Variants in NIPBL observed in about 807,000 individuals in gnomAD.
NIPBL encodes the protein NIPBL cohesin loading factor.
Under a neutral mutation model 321.8 loss-of-function variants are expected in NIPBL, and 19 were observed. The ratio of observed to expected loss-of-function variants is 0.06; its 90% CI spans 0.04 to 0.09. The LOEUF is 0.09. Among genes scored for constraint, NIPBL ranks in the 10% least tolerant of loss-of-function variants. The probability of loss-of-function intolerance (pLI) is 1.00; values close to 1 mark genes in which losing one functional copy is unlikely to be tolerated. For missense variants in NIPBL, 2,210 were observed against 3,327.0 expected (o/e 0.66, Z 8.26); for synonymous variants, 1,106 against 1,114.1 (o/e 0.99, Z 0.14).
At chr5:36,893,720 T>G (rs1040913131) in intron 1 of NIPBL, among the ~76,000 whole-genome samples, 1 of 152,180 alleles carries the variant, frequency 6.6e-6, no homozygotes, top group African/African-American at 2.4e-5. Flanking sequence ...AAACATCATC[T>G]GTGAGGCATA....
At chr5:37,005,410 G>A (rs547385352) in intron 16 of NIPBL, among the ~76,000 whole-genome samples, 1 of 152,216 alleles carries the variant, frequency 6.6e-6, no homozygotes, top group Admixed American at 6.5e-5. Flanking sequence ...TGGAGAGCTG[G>A]CTGACTCAGT....
intron 38 of NIPBL, among the ~76,000 whole-genome samples, chr5:37,047,251 C>T (rs1369522108): frequency 1.3e-5 from 2 of 152,018 alleles, no homozygotes; most frequent in South Asian, 2.1e-4. Context: ...CGTAAAGCTA[C>T]CCAATGAGAT....
chr5:36,879,957 T>G (rs1745380984), intron 1 of NIPBL, among the ~76,000 whole-genome samples: 1 of 152,100 alleles, frequency 6.6e-6, no homozygotes, highest in Admixed American at 6.5e-5. Context: ...CTGAGAACAT[T>G]TTTGAACCTG....
chr5:36,927,872 A>G (rs1008563044), intron 1 of NIPBL, among the ~76,000 whole-genome samples: 2 of 152,096 alleles, frequency 1.3e-5, no homozygotes, highest in Admixed American at 6.5e-5. Flanking sequence ...GTGGTAAAGG[A>G]GACGGGTTTC....
chr5:36,961,011 A>G lies in NIPBL; in HGVS notation c.359-473A>G, dbSNP rs1741558849. On this transcript the variant is annotated intron_variant, in intron 4 of 46. Coordinates refer to ENST00000282516, the MANE Select transcript of NIPBL (RefSeq NM_133433.4). ...AGGAATTCAAACTTTCGGCCCATAAATAAAGTACTTTTCAAAACCTGTGTC... is the reference window on the plus strand; with the variant it reads ...AGGAATTCAAACTTTCGGCCCATAAGTAAAGTACTTTTCAAAACCTGTGTC... Among the ~76,000 whole-genome samples the G allele has an allele frequency of 3.3e-5, 5 of 152,142 alleles. No individual in the cohort carries two copies. In the South Asian group the frequency reaches 1.0e-3, roughly 31 times the overall value.
intron 1 of NIPBL, among the ~76,000 whole-genome samples, chr5:36,937,537 A>T (rs1738573083): frequency 1.3e-5 from 2 of 151,982 alleles, no homozygotes; most frequent in African/African-American, 4.8e-5. Flanking sequence ...TACTTTCAGG[A>T]TGTGATTTTT....
intron 10 of NIPBL, among the ~76,000 whole-genome samples, chr5:36,991,717 A>G (rs900746362): frequency 1.2e-4 from 18 of 148,604 alleles, no homozygotes; most frequent in African/African-American, 4.4e-4. Context: ...AAGAATTGTC[A>G]CTGAACTATT....
Position 36,916,549 on chromosome 5 carries a change from G to A in NIPBL, c.-79-37069G>A, listed in dbSNP as rs1748474119. Among the ~76,000 whole-genome samples, 6 of 151,998 alleles carry A rather than the reference G, an allele frequency of 3.9e-5. No homozygotes were observed. The South Asian group carries it at 1.2e-3, about 32-fold the overall frequency. On this transcript the variant is annotated intron_variant, in intron 1 of 46. Coordinates refer to ENST00000282516, the MANE Select transcript of NIPBL (RefSeq NM_133433.4). Reference sequence around the variant, plus strand: ...AAGTTCTAGGGTACATGTGCACAACGTGCAGTTTTGTTACATATGTATACA... The same window carrying A: ...AAGTTCTAGGGTACATGTGCACAACATGCAGTTTTGTTACATATGTATACA...
chr5:36,974,127 G>A (rs1580368093), intron 8 of NIPBL, among the ~76,000 whole-genome samples: 1 of 152,070 alleles, frequency 6.6e-6, no homozygotes, highest in Non-Finnish European at 1.5e-5. Flanking sequence ...TTAGATTGCC[G>A]GGGAAAGAGA....
In NIPBL at chr5:37,006,597, G is replaced by A. The variant is rs757255852; in HGVS notation, c.4087+9G>A. ...ATTAGATCCTCATGGAGGTTAGTTC[G>A]TATAATATCAAAATTATTGTAAATT... On this transcript the variant is annotated intron_variant, in intron 17 of 46. Transcript: ENST00000282516. The A allele has an allele frequency of 3.1e-5, 48 of 1,547,450 alleles. No individual in the cohort carries two copies. The highest frequency in any genetic ancestry group is 1.7e-4 in the Middle Eastern group (1 of 5,756).
chr5:36,970,525 G>A (rs929212272), intron 6 of NIPBL, among the ~76,000 whole-genome samples: 1 of 150,976 alleles, frequency 6.6e-6, no homozygotes, highest in East Asian at 1.9e-4. Context: ...ACAACACAAT[G>A]AATTACTTAG....
At chr5:37,017,446 T>G (rs1352964692) in intron 24 of NIPBL, among the ~76,000 whole-genome samples, 1 of 152,072 alleles carries the variant, frequency 6.6e-6, no homozygotes, top group Non-Finnish European at 1.5e-5. Flanking sequence ...TAAATTTTAT[T>G]TAAGTTTTTA....
intron 45 of NIPBL, among the ~76,000 whole-genome samples, chr5:37,063,565 C>T (rs1488431734): frequency 2.6e-5 from 4 of 152,206 alleles, no homozygotes; most frequent in African/African-American, 7.2e-5. Context: ...TGCTTTCATA[C>T]TACAGTGGCA....
intron 24 of NIPBL, 112 bp from the exon 25 acceptor site, chr5:37,019,196 GGTT>G (rs1473584353): frequency 5.5e-6 from 4 of 729,242 alleles, no homozygotes; most frequent in East Asian, 2.7e-5. Flanking sequence ...TAGTTACTGT[GGTT>G]GTATTTTCAT....
chr5:36,879,775 T>C (rs1024580461), intron 1 of NIPBL, among the ~76,000 whole-genome samples: 9 of 152,124 alleles, frequency 5.9e-5, no homozygotes, highest in Non-Finnish European at 1.2e-4. Context: ...GCTTATTGTT[T>C]CTCTTAACTC....
chr5:36,957,005 G>A (rs904258702), intron 3 of NIPBL, among the ~76,000 whole-genome samples: 6 of 151,998 alleles, frequency 3.9e-5, no homozygotes, highest in South Asian at 2.1e-4. Context: ...AATAGCACAC[G>A]TAAAATAAGG....
chr5:36,987,733 AT>A lies in NIPBL; in HGVS notation c.3121+1436del, dbSNP rs1191168267. Among the ~76,000 whole-genome samples, 4 of 152,208 alleles carry A rather than the reference AT, an allele frequency of 2.6e-5. No homozygotes were observed. The East Asian group carries it at 5.8e-4, about 22-fold the overall frequency. ...TGTGTTCTTTGAGTGAAGCTTTTAA[AT>A]TTTAAATTATGGCAATTAGACTTAC... On this transcript the variant is annotated intron_variant, in intron 10 of 46. Coordinates refer to ENST00000282516, the MANE Select transcript of NIPBL (RefSeq NM_133433.4).
chr5:36,984,964 A>G lies in NIPBL; in HGVS notation c.1784A>G (p.Asn595Ser). Residue 595 changes from asparagine to serine, a missense_variant, in exon 10 of 47, where the codon AAC (asparagine) becomes AGC (serine). Asn to Ser is a conservative substitution (Grantham distance 46, BLOSUM62 1). Around this residue, in one of 14 missense-constraint regions of NIPBL, gnomAD observed 588 missense variants for 564.1 expected, o/e 1.04. Coordinates refer to ENST00000282516, the MANE Select transcript of NIPBL (RefSeq NM_133433.4). Reference sequence around the variant, plus strand: ...GGAAGTCTTAAATCTACACCAGAAAACCATCCTGAGACACCTAAAAAAAAG... The same window carrying G: ...GGAAGTCTTAAATCTACACCAGAAAGCCATCCTGAGACACCTAAAAAAAAG... Reference protein sequence around the residue: ...IVGSLKSTPENHPETPKKKSD... With the variant: ...IVGSLKSTPESHPETPKKKSD... 1 of 1,613,890 alleles carries G rather than the reference A, an allele frequency of 6.2e-7. No homozygotes were observed. The highest frequency in any genetic ancestry group is 8.5e-7 in the Non-Finnish European group (1 of 1,179,940).
At chr5:36,972,698 T>C (rs1432975748) in intron 8 of NIPBL, among the ~76,000 whole-genome samples, 5 of 152,202 alleles carry the variant, frequency 3.3e-5, no homozygotes, top group African/African-American at 1.2e-4. Flanking sequence ...CTGTTCTTTC[T>C]ACCATCCCAT....
Sources: gnomAD v4.1 joint callset for allele counts (sites outside exome capture counted in the v4.1 genomes callset) on GRCh38, gnomAD v4.1.1 for gene constraint, gnomAD v4.1.1 regional missense constraint, MANE v1.5 for transcripts, NCBI Gene and HGNC (gene_info 2026-07-23, HGNC 2026-07-21) for gene names.